ASIC2: variants seen among roughly 807,000 people sequenced by gnomAD.
ASIC2 encodes acid sensing ion channel subunit 2, also known as acid-sensing ion channel 2.
Under a neutral mutation model 57.3 loss-of-function variants are expected in ASIC2, and 25 were observed. The observed-to-expected ratio is 0.44, with a 90% CI of 0.32 to 0.61. The LOEUF is 0.61. ASIC2 is among the 20% of genes least tolerant of loss of function. ASIC2 has a pLI of 0.06. For synonymous variants in ASIC2, 319 were observed against 307.5 expected (o/e 1.04, Z -0.39); for missense variants, 641 against 738.1 (o/e 0.87, Z 1.52).
chr17:34,138,554 T>C (rs1912186527), intron 1 of ASIC2, among the ~76,000 whole-genome samples: 1 of 152,214 alleles, frequency 6.6e-6, no homozygotes, highest in Non-Finnish European at 1.5e-5. Flanking sequence ...GGACACTTTC[T>C]GAGCTGCCTT....
In ASIC2 at chr17:33,291,886, G is replaced by T; in HGVS notation, c.230C>A (p.Thr77Lys). The T allele has an allele frequency of 1.2e-6, 2 of 1,604,744 alleles. No individual in the cohort carries two copies. ...CCGCTGGAAGGAGCCCCCAGCCGCCGTGCGCCCGGCACACATGTGCCGCAG... is the reference window on the plus strand; with the variant it reads ...CCGCTGGAAGGAGCCCCCAGCCGCCTTGCGCCCGGCACACATGTGCCGCAG... ...HGLRHMCAGR[T>K]AAGGSFQRRA... The change falls in exon 1 of 10, where the codon ACG becomes AAG. Residue 77 changes from threonine to lysine, a missense_variant. Physicochemically the swap from Thr to Lys is moderately conservative, Grantham distance 78 (BLOSUM62 -1). Transcript: ENST00000225823.
At chr17:33,445,797 CAA>C (rs60125160) in intron 1 of ASIC2, among the ~76,000 whole-genome samples, 54 of 120,958 alleles carry the variant, frequency 4.5e-4, no homozygotes, top group East Asian at 4.8e-4. Context: ...AACTCCATCT[CAA>C]AAAAAAAAAA....
intron 1 of ASIC2, among the ~76,000 whole-genome samples, chr17:33,706,458 A>G (rs1398054031): frequency 6.6e-6 from 1 of 151,762 alleles, no homozygotes; most frequent in African/African-American, 2.4e-5. Context: ...TCCTGAGCTC[A>G]AGCAATCCAC....
rs543030607 is a variant in ASIC2, at chr17:33,863,089, C to G, written c.555+292889G>C. Among the ~76,000 whole-genome samples the G allele has an allele frequency of 5.3e-5, 8 of 152,374 alleles. No individual in the cohort carries two copies. The East Asian group carries it at 1.5e-3, about 29-fold the overall frequency. ...ACCTGAACAGCCCAGGACTGGTCCT[C>G]TGACCTCAAGGGAGCCAGCTTATAG... On this transcript the variant is annotated intron_variant, in intron 1 of 9. Coordinates refer to the ASIC2 transcript ENST00000359872.
At chr17:34,094,323 GC>G (rs1910441643) in intron 1 of ASIC2, among the ~76,000 whole-genome samples, 1 of 152,166 alleles carries the variant, frequency 6.6e-6, no homozygotes, top group African/African-American at 2.4e-5. Context: ...GTCCACTACA[GC>G]CCATGACTAC....
At chr17:33,986,540 A>C (rs1905824722) in intron 1 of ASIC2, among the ~76,000 whole-genome samples, 1 of 152,118 alleles carries the variant, frequency 6.6e-6, no homozygotes, top group Non-Finnish European at 1.5e-5. Context: ...ACAATCCCAA[A>C]GTGATGAATT....
intron 1 of ASIC2, among the ~76,000 whole-genome samples, chr17:33,695,834 A>G (rs1908507071): frequency 6.6e-6 from 1 of 152,246 alleles, no homozygotes; most frequent in Non-Finnish European, 1.5e-5. Context: ...TTACTATAAT[A>G]CATACACACA....
chr17:33,809,910 A>G lies in ASIC2; in HGVS notation c.555+346068T>C, dbSNP rs1269236076. On this transcript the variant is annotated intron_variant, in intron 1 of 9. Transcript: ENST00000359872. ...AATTCTTTTCAATAAAGCAAGGACT[A>G]TTCTCATATCCACCTGGAAACTGAG... Among the ~76,000 whole-genome samples the G allele has an allele frequency of 2.0e-5, 3 of 152,348 alleles. No homozygotes were observed. In the East Asian group the frequency reaches 5.8e-4, roughly 29 times the overall value.
intron 1 of ASIC2, among the ~76,000 whole-genome samples, chr17:33,764,174 A>G (rs58965921): frequency 0.14 from 21,361 of 152,086 alleles, 2,378 homozygotes; most frequent in East Asian, 0.56. Context: ...AAATTTAGCC[A>G]GGCATGGTGG....
In ASIC2 at chr17:33,392,324, G is replaced by A. The variant is rs565269738; in HGVS notation, c.556-280257C>T. Among the ~76,000 whole-genome samples, 183 of 150,472 alleles carry A rather than the reference G, an allele frequency of 1.2e-3. 1 individual carries two copies. Among genetic ancestry groups the A allele is most frequent in the African/African-American group, 4.3e-3 (175 of 40,922 alleles). On this transcript the variant is annotated intron_variant, in intron 1 of 9. Coordinates refer to the ASIC2 transcript ENST00000359872. Reference sequence around the variant, plus strand: ...TACCCAGGCTGGAGTGCAGTGGTGCGATCTTGGCCCACTGCAACCTCCACC... The same window carrying A: ...TACCCAGGCTGGAGTGCAGTGGTGCAATCTTGGCCCACTGCAACCTCCACC...
chr17:34,107,412 G>A lies in ASIC2; in HGVS notation c.555+48566C>T, dbSNP rs1911100983. Among the ~76,000 whole-genome samples, 3 of 152,186 alleles carry A rather than the reference G, an allele frequency of 2.0e-5. No homozygotes were observed. The South Asian group carries it at 6.2e-4, about 32-fold the overall frequency. On this transcript the variant is annotated intron_variant, in intron 1 of 9. Transcript: ENST00000359872. ...TAGTCCCAGCTACTTGGGTTGCTGA[G>A]GGAAGAAGATCACCTAAGCCTGGGA...
At chr17:34,120,223 G>A (rs1034810428) in intron 1 of ASIC2, 7 of 152,160 alleles carry the variant, frequency 4.6e-5, no homozygotes, top group Admixed American at 6.5e-5. Context: ...AAGTCATAAG[G>A]ATATGCAGTA....
chr17:33,427,623 G>T (rs1282978338), intron 1 of ASIC2, among the ~76,000 whole-genome samples: 1 of 152,192 alleles, frequency 6.6e-6, no homozygotes, highest in African/African-American at 2.4e-5. Flanking sequence ...TATTAAAGGG[G>T]AAATGTCCCA....
intron 1 of ASIC2, among the ~76,000 whole-genome samples, chr17:33,298,807 G>T (rs1182123965): frequency 6.6e-6 from 1 of 152,128 alleles, no homozygotes; most frequent in Non-Finnish European, 1.5e-5. Flanking sequence ...GTGTGAGATG[G>T]TATCCAAATC....
intron 1 of ASIC2, among the ~76,000 whole-genome samples, chr17:33,921,411 T>G (rs1399539815): frequency 2.6e-5 from 4 of 152,232 alleles, no homozygotes; most frequent in Non-Finnish European, 5.9e-5. Flanking sequence ...TTTAGTAGTA[T>G]TTCTGCAGGA....
chr17:33,966,731 T>C (rs889472665), intron 1 of ASIC2, among the ~76,000 whole-genome samples: 4 of 152,220 alleles, frequency 2.6e-5, no homozygotes, highest in African/African-American at 7.2e-5. Flanking sequence ...TGCTGCTTCT[T>C]TGACTCCTTC....
At chr17:33,315,052 T>C (rs972245670) in intron 1 of ASIC2, among the ~76,000 whole-genome samples, 4 of 152,212 alleles carry the variant, frequency 2.6e-5, no homozygotes, top group African/African-American at 4.8e-5. Context: ...CATTCCTTAT[T>C]ATCTGTGTGA....
chr17:33,956,035 A>G (rs1309699977), intron 1 of ASIC2, among the ~76,000 whole-genome samples: 1 of 152,210 alleles, frequency 6.6e-6, no homozygotes, highest in South Asian at 2.1e-4. Flanking sequence ...AATATAATAT[A>G]ATGAGTGATG....
At chr17:33,417,801 A>T (rs1311536066) in intron 1 of ASIC2, among the ~76,000 whole-genome samples, 1 of 152,126 alleles carries the variant, frequency 6.6e-6, no homozygotes, top group East Asian at 1.9e-4. Flanking sequence ...CTAACGAGGA[A>T]GTCCTCTGTG....
Sources: gnomAD v4.1 joint callset for allele counts (sites outside exome capture counted in the v4.1 genomes callset) on GRCh38, gnomAD v4.1.1 for gene constraint, MANE v1.5 for transcripts, NCBI Gene and HGNC (gene_info 2026-07-23, HGNC 2026-07-21) for gene names.